The following MCTP1 variants were observed in gnomAD, a reference collection of about 807,000 sequenced individuals.
MCTP1 encodes the protein multiple C2 and transmembrane domain containing 1.
In MCTP1, 69 loss-of-function variants were observed where a neutral mutation model predicts 120.6. That is an observed-to-expected ratio of 0.57 (90% CI 0.47 to 0.70). MCTP1 has a LOEUF of 0.70. Ranked by LOEUF, MCTP1 falls within the 30% of genes least tolerant of loss-of-function variation. The probability of loss-of-function intolerance (pLI) is 0.00; values close to 1 mark genes in which losing one functional copy is unlikely to be tolerated. For synonymous variants in MCTP1, 529 were observed against 493.1 expected (o/e 1.07, Z -0.96); for missense variants, 1,203 against 1,248.8 (o/e 0.96, Z 0.55).
chr5:95,125,423 T>A (rs1292587776), intron 1 of MCTP1, among the ~76,000 whole-genome samples: 1 of 152,182 alleles, frequency 6.6e-6, no homozygotes, highest in African/African-American at 2.4e-5. Context: ...TCTCCACGCC[T>A]TTTCTCCTAA....
At chr5:95,260,666 T>C (rs76573525) in intron 1 of MCTP1, among the ~76,000 whole-genome samples, 5,686 of 152,248 alleles carry the variant, frequency 0.037, 167 homozygotes, top group Non-Finnish European at 0.053. Context: ...TTGCTTTTGC[T>C]TATATCATTT....
intron 2 of MCTP1, among the ~76,000 whole-genome samples, chr5:94,985,728 G>A (rs994943779): frequency 2.6e-5 from 4 of 152,138 alleles, no homozygotes; most frequent in African/African-American, 9.7e-5. Flanking sequence ...CAGAAATGCA[G>A]GAGATTCAAA....
chr5:94,920,697 G>T (rs370662206), intron 7 of MCTP1, among the ~76,000 whole-genome samples: 11 of 151,588 alleles, frequency 7.3e-5, no homozygotes, highest in African/African-American at 2.4e-4. Context: ...AGCCAAGACC[G>T]CGCCACTGCA....
chr5:95,242,354 C>A (rs1220377438), intron 1 of MCTP1, among the ~76,000 whole-genome samples: 1 of 152,048 alleles, frequency 6.6e-6, no homozygotes. Context: ...TGGTTGGCAT[C>A]TTTTTAAAGG....
Position 95,228,896 on chromosome 5 carries a change from C to T in MCTP1, c.720+54960G>A, listed in dbSNP as rs1316968935. Among the ~76,000 whole-genome samples, 6 of 152,088 alleles carry T rather than the reference C, an allele frequency of 3.9e-5. 1 individual carries two copies. The highest frequency in any genetic ancestry group is 2.0e-4 in the Admixed American group (3 of 15,264). On this transcript the variant is annotated intron_variant, in intron 1 of 22. Transcript: ENST00000515393. ...TGTTTCCTGAGGCCTCCCCAGAAGC[C>T]GAGCAGATGCCAGCCTCATGCTTCC...
chr5:95,005,048 G>T (rs1193009433), intron 2 of MCTP1, among the ~76,000 whole-genome samples: 1 of 152,202 alleles, frequency 6.6e-6, no homozygotes, highest in Non-Finnish European at 1.5e-5. Flanking sequence ...GCTGCCCAAG[G>T]TCTTGGGAGC....
At chr5:95,281,193 A>C (rs1038628556) in intron 1 of MCTP1, among the ~76,000 whole-genome samples, 23 of 152,144 alleles carry the variant, frequency 1.5e-4, no homozygotes, top group Non-Finnish European at 2.5e-4. Flanking sequence ...TGTGCTACAC[A>C]CCCCTTTCCC....
chr5:94,981,758 A>G (rs186953923), intron 2 of MCTP1, among the ~76,000 whole-genome samples: 2 of 152,276 alleles, frequency 1.3e-5, no homozygotes, highest in Admixed American at 1.3e-4. Context: ...CCAGGCAGAG[A>G]AAGCAGCAAG....
intron 17 of MCTP1, among the ~76,000 whole-genome samples, chr5:94,810,670 A>G (rs1240834575): frequency 6.6e-6 from 1 of 152,190 alleles, no homozygotes; most frequent in African/African-American, 2.4e-5. Flanking sequence ...CCTTTTTTAT[A>G]GTAGCTGATG....
intron 17 of MCTP1, among the ~76,000 whole-genome samples, chr5:94,850,261 T>A (rs900281353): frequency 2.6e-5 from 4 of 152,110 alleles, no homozygotes; most frequent in African/African-American, 9.7e-5. Flanking sequence ...CAAAGTAAAG[T>A]CACCTCTGAG....
intron 5 of MCTP1, among the ~76,000 whole-genome samples, chr5:94,939,717 A>T (rs990072126): frequency 6.6e-6 from 1 of 152,044 alleles, no homozygotes; most frequent in Non-Finnish European, 1.5e-5. Context: ...CTGACAATAC[A>T]GTCAAAACAG....
At chr5:95,006,802 T>C (rs149822000) in intron 2 of MCTP1, among the ~76,000 whole-genome samples, 7 of 152,324 alleles carry the variant, frequency 4.6e-5, no homozygotes, top group African/African-American at 1.4e-4. Flanking sequence ...TGATGAACTT[T>C]AATGAAATTT....
At chr5:95,253,205 A>ATT (rs1484765029) in intron 1 of MCTP1, among the ~76,000 whole-genome samples, 1 of 152,108 alleles carries the variant, frequency 6.6e-6, no homozygotes, top group African/African-American at 2.4e-5. Context: ...CATAAGGTGG[A>ATT]TTTTCTTAGT....
chr5:95,072,107 G>GTGTGTGTA (rs1347059489), intron 1 of MCTP1, among the ~76,000 whole-genome samples: 2 of 151,922 alleles, frequency 1.3e-5, no homozygotes, highest in African/African-American at 2.4e-5. Context: ...GTGTGTGTGT[G>GTGTGTGTA]TGTGTGATTG....
intron 18 of MCTP1, among the ~76,000 whole-genome samples, chr5:94,791,112 C>CAAAAA (rs60394333): frequency 3.5e-4 from 35 of 99,614 alleles, no homozygotes; most frequent in Admixed American, 5.0e-4. Context: ...GTCTCTACTA[C>CAAAAA]AAAAAAAAAA....
intron 1 of MCTP1, among the ~76,000 whole-genome samples, chr5:95,069,817 G>C (rs1187267279): frequency 1.3e-5 from 2 of 151,312 alleles, no homozygotes; most frequent in African/African-American, 4.9e-5. Flanking sequence ...TCCTGCCTCA[G>C]CCTCCTGAGT....
At chr5:94,865,147 C>T (rs988810343) in intron 17 of MCTP1, among the ~76,000 whole-genome samples, 1 of 151,804 alleles carries the variant, frequency 6.6e-6, no homozygotes, top group African/African-American at 2.4e-5. Flanking sequence ...CAATGCCTGT[C>T]TCTAATATCA....
intron 1 of MCTP1, among the ~76,000 whole-genome samples, chr5:95,052,169 A>C (rs987877719): frequency 1.3e-5 from 2 of 152,356 alleles, no homozygotes; most frequent in African/African-American, 4.8e-5. Flanking sequence ...AGTCAGTCTT[A>C]GGAAGTTTTG....
At chr5:94,827,272 T>G (rs1488824375) in intron 17 of MCTP1, among the ~76,000 whole-genome samples, 1 of 152,192 alleles carries the variant, frequency 6.6e-6, no homozygotes, top group Non-Finnish European at 1.5e-5. Context: ...AAAATTCTTT[T>G]CTTTAAGAGT....
Sources: allele counts gnomAD v4.1 joint callset (sites outside exome capture counted in the v4.1 genomes callset), GRCh38; gene constraint gnomAD v4.1.1; transcripts MANE v1.5; gene names NCBI Gene and HGNC (gene_info 2026-07-23, HGNC 2026-07-21).